The following KLHL29 variants were observed in gnomAD, a reference collection of about 807,000 sequenced individuals.
KLHL29 encodes kelch like family member 29.
Under a neutral mutation model 80.4 loss-of-function variants are expected in KLHL29, and 21 were observed. That is an observed-to-expected ratio of 0.26 (90% CI 0.19 to 0.38). The LOEUF is 0.38. KLHL29 is among the 10% of genes least tolerant of loss of function. The probability of loss-of-function intolerance (pLI) is 1.00; values close to 1 mark genes in which losing one functional copy is unlikely to be tolerated. For missense variants in KLHL29, 867 were observed against 1,223.9 expected (o/e 0.71, Z 4.35); for synonymous variants, 511 against 526.8 (o/e 0.97, Z 0.41).
At chr2:23,496,329 T>A (rs866025642) in intron 2 of KLHL29, among the ~76,000 whole-genome samples, 3 of 152,294 alleles carry the variant, frequency 2.0e-5, no homozygotes, top group South Asian at 2.1e-4. Flanking sequence ...ATGACAACAA[T>A]GAAATGAACA....
rs576305906 is a variant in KLHL29, at chr2:23,409,547, G to A, written c.-154+23767G>A. Among the ~76,000 whole-genome samples, 3 of 152,328 alleles carry A rather than the reference G, an allele frequency of 2.0e-5. No individual in the cohort carries two copies. In the South Asian group the frequency reaches 6.2e-4, roughly 32 times the overall value. On this transcript the variant is annotated intron_variant, in intron 1 of 13. Coordinates refer to ENST00000486442, the MANE Select transcript of KLHL29 (RefSeq NM_052920.2). ...CCCACTTGAAAATCTTCCTCGGAAG[G>A]AATATGTTGCCATCAGCAATTCCTC... is the stretch of plus-strand genomic sequence containing the variant.
chr2:23,389,556 G>GT (rs745543624), intron 1 of KLHL29, among the ~76,000 whole-genome samples: 4 of 152,168 alleles, frequency 2.6e-5, no homozygotes, highest in Non-Finnish European at 4.4e-5. Flanking sequence ...AACCAAGGCA[G>GT]TTACTGTGTA....
chr2:23,439,227 G>T (rs1232872107), intron 1 of KLHL29, among the ~76,000 whole-genome samples: 4 of 151,686 alleles, frequency 2.6e-5, no homozygotes, highest in Non-Finnish European at 5.9e-5. Flanking sequence ...CTTGCTAGTG[G>T]TCTATCAATT....
chr2:23,642,990 TCCAC>T, intron 5 of KLHL29, 140 bp downstream of exon 5: 2 of 992,326 alleles, frequency 2.0e-6, no homozygotes, highest in Non-Finnish European at 3.1e-6. Flanking sequence ...CAGTGGAGCC[TCCAC>T]CTGCCCAAGA....
intron 2 of KLHL29, among the ~76,000 whole-genome samples, chr2:23,481,309 C>T (rs888274536): frequency 1.3e-5 from 2 of 152,234 alleles, no homozygotes; most frequent in African/African-American, 4.8e-5. Context: ...GCAACATTCC[C>T]TCCTCCGTTT....
chr2:23,691,809 GAC>G lies in KLHL29; in HGVS notation c.1218_1219del (p.Leu407AlafsTer87). 1.3e-6 allele frequency: 2 copies of G among 1,551,728 alleles called. No homozygotes were observed. The highest frequency in any genetic ancestry group is 1.7e-6 in the Non-Finnish European group (2 of 1,147,018). On this transcript the variant is annotated frameshift_variant, in exon 7 of 14. Coordinates refer to ENST00000486442, the MANE Select transcript of KLHL29 (RefSeq NM_052920.2). LOFTEE classifies it high-confidence loss of function. ...TGGTCATCGACTCGGCCAACGCCAA[GAC>G]ACTGCTGGAGGCGGCCAGCAAGTTC... is the stretch of plus-strand genomic sequence containing the variant. Reference protein sequence around the residue: ...SLVIDSANAKTLLEAASKFQF... With the variant: ...SLVIDSANAKXLLEAASKFQF...
At chr2:23,420,981 C>A (rs143145958) in intron 1 of KLHL29, among the ~76,000 whole-genome samples, 1 of 152,178 alleles carries the variant, frequency 6.6e-6, no homozygotes. Flanking sequence ...CCTGGCCAGG[C>A]GCCAGGCCAG....
Position 23,472,056 on chromosome 2 carries a change from C to T in KLHL29, c.-153-3504C>T, listed in dbSNP as rs534763198. Among the ~76,000 whole-genome samples, 22 of 124,636 alleles carry T rather than the reference C, an allele frequency of 1.8e-4. 1 individual carries two copies. In the South Asian group the frequency reaches 4.3e-3, roughly 24 times the overall value. 81.8% of individuals were successfully genotyped at this position (124,636 alleles called of 152,430 possible). On this transcript the variant is annotated intron_variant, in intron 1 of 13. Coordinates refer to ENST00000486442, the MANE Select transcript of KLHL29 (RefSeq NM_052920.2). ...GTCAAGGATCGTTTATACACCGCTACATGATGGGTGCTATGGACCAGAGAT... is the reference window on the plus strand; with the variant it reads ...GTCAAGGATCGTTTATACACCGCTATATGATGGGTGCTATGGACCAGAGAT...
In KLHL29 at chr2:23,642,758, G is replaced by T; in HGVS notation, c.848G>T (p.Gly283Val). 2.6e-6 allele frequency: 4 copies of T among 1,550,302 alleles called. No individual in the cohort carries two copies. The highest frequency in any genetic ancestry group is 3.5e-6 in the Non-Finnish European group (4 of 1,146,814). Residue 283 changes from glycine to valine, a missense_variant, in exon 5 of 14, where the codon GGG (glycine) becomes GTG (valine). Transcript: ENST00000486442. ...CCCAGTGGTGCCCCTGCCACCAATG[G>T]GCCCCCCACAACCGACTCGGCCCAC... Reference protein sequence around the residue: ...TLPSGAPATNGPPTTDSAHGL... With the variant: ...TLPSGAPATNVPPTTDSAHGL...
rs904947973 is a variant in KLHL29, at chr2:23,706,472, C to T, written c.2445-9C>T. 1.4e-6 allele frequency: 2 copies of T among 1,478,944 alleles called. No homozygotes were observed. The highest frequency in any genetic ancestry group is 1.4e-5 in the African/African-American group (1 of 70,834). The allele number at this position is 1,478,944 out of a possible 1,614,324, so 91.6% of individuals were successfully genotyped here. A position where few individuals can be genotyped will look rare whatever the true frequency, so the allele number is the denominator to read the frequency against. ...AATGCCTAACTCTGTCCCCGCTTTCCCCCAACAGTGCTGTGGTGCTTGATG... is the reference window on the plus strand; with the variant it reads ...AATGCCTAACTCTGTCCCCGCTTTCTCCCAACAGTGCTGTGGTGCTTGATG... On this transcript the variant is annotated splice_polypyrimidine_tract_variant and intron_variant, in intron 13 of 13. Coordinates refer to ENST00000486442, the MANE Select transcript of KLHL29 (RefSeq NM_052920.2).
At chr2:23,555,010 C>T (rs549844164) in intron 2 of KLHL29, among the ~76,000 whole-genome samples, 199 of 152,218 alleles carry the variant, frequency 1.3e-3, no homozygotes, top group African/African-American at 4.6e-3. Context: ...CAAGCCTGGG[C>T]CTGGGACATG....
chr2:23,575,845 G>A (rs2103505597), intron 3 of KLHL29, among the ~76,000 whole-genome samples: 1 of 152,296 alleles, frequency 6.6e-6, no homozygotes, highest in Non-Finnish European at 1.5e-5. Context: ...ACCCGGCGCA[G>A]GAACCTCCAC....
intron 3 of KLHL29, chr2:23,617,624 G>C (rs1669055014): frequency 6.6e-6 from 1 of 152,220 alleles, no homozygotes; most frequent in Non-Finnish European, 1.5e-5. Flanking sequence ...TTCCTTGGTT[G>C]GGAGTGTGGA....
intron 3 of KLHL29, among the ~76,000 whole-genome samples, chr2:23,571,595 A>G (rs951825579): frequency 2.0e-5 from 3 of 152,222 alleles, no homozygotes; most frequent in African/African-American, 7.2e-5. Flanking sequence ...ATATGAGGGT[A>G]ATCCTGCCTG....
At chr2:23,579,475 G>A (rs539661381) in intron 3 of KLHL29, among the ~76,000 whole-genome samples, 8 of 152,020 alleles carry the variant, frequency 5.3e-5, no homozygotes, top group South Asian at 2.1e-4. Context: ...CAGGTTTCCC[G>A]CCCACCCAGC....
chr2:23,447,457 A>G (rs753813876), intron 1 of KLHL29, among the ~76,000 whole-genome samples: 1 of 152,060 alleles, frequency 6.6e-6, no homozygotes, highest in Non-Finnish European at 1.5e-5. Flanking sequence ...TGCTTCATCA[A>G]TGCCTCTGCA....
At chr2:23,410,748 G>A (rs1666842502) in intron 1 of KLHL29, among the ~76,000 whole-genome samples, 1 of 152,160 alleles carries the variant, frequency 6.6e-6, no homozygotes, top group East Asian at 1.9e-4. Context: ...TGCATTTCCT[G>A]TGTATCCTCC....
intron 1 of KLHL29, among the ~76,000 whole-genome samples, chr2:23,473,940 G>A (rs769165383): frequency 6.6e-6 from 1 of 151,870 alleles, no homozygotes; most frequent in African/African-American, 2.4e-5. Flanking sequence ...ATGCCCACAC[G>A]ACCTACTCCT....
intron 2 of KLHL29, among the ~76,000 whole-genome samples, chr2:23,479,146 T>C (rs925725853): frequency 1.3e-5 from 2 of 151,626 alleles, no homozygotes; most frequent in South Asian, 2.1e-4. Flanking sequence ...CTTCTGACTG[T>C]ACCTGCTTTC....
Sources: gnomAD v4.1 joint callset for allele counts (sites outside exome capture counted in the v4.1 genomes callset) on GRCh38, gnomAD v4.1.1 for gene constraint, MANE v1.5 for transcripts, NCBI Gene and HGNC (gene_info 2026-07-23, HGNC 2026-07-21) for gene names.